The following RNF40 variants were observed in gnomAD, a reference collection of about 807,000 sequenced individuals.
RNF40 encodes ring finger protein 40, also known as E3 ubiquitin-protein ligase BRE1B.
In RNF40, 39 loss-of-function variants were observed where a neutral mutation model predicts 123.3. The observed-to-expected ratio is 0.32, with a 90% CI of 0.24 to 0.41. The LOEUF (loss-of-function observed/expected upper bound fraction) is 0.41, where lower values mean the gene tolerates loss of function less well. Ranked by LOEUF, RNF40 falls within the 10% of genes least tolerant of loss-of-function variation. RNF40 has a pLI of 1.00. For synonymous variants in RNF40, 538 were observed against 526.0 expected, an observed-to-expected ratio of 1.02 and a Z score of -0.31; for missense variants, 1,003 against 1,319.9, an observed-to-expected ratio of 0.76 and a Z score of 3.72.
At chr16:30,767,749 C>A in intron 11 of RNF40, 145 bp from the exon 12 acceptor site, 1 of 1,026,996 alleles carries the variant, frequency 9.7e-7, no homozygotes, top group Non-Finnish European at 1.4e-6. Flanking sequence ...GCATTATTTA[C>A]TTTGATGAGT....
Position 30,775,302 on chromosome 16 carries a change from C to T in RNF40, c.*1188C>T, listed in dbSNP as rs1051359829. ...CCTGGGAGGGCTCAGACTTAACGGC[C>T]GGCAGGGATCCCGGACTGGGCCTGA... On this transcript the variant is annotated 3_prime_UTR_variant, in exon 20 of 20. Transcript: ENST00000324685. 4 of 297,594 alleles carry T rather than the reference C, an allele frequency of 1.3e-5. No homozygotes were observed. Among genetic ancestry groups the T allele is most frequent in the Admixed American group, 4.9e-5 (1 of 20,582 alleles). The allele number at this position is 297,594 out of a possible 1,614,324, so 18.4% of individuals were successfully genotyped here.
chr16:30,776,163 C>T lies in RNF40; in HGVS notation c.*2049C>T, dbSNP rs568978959. On this transcript the variant is annotated 3_prime_UTR_variant, in exon 20 of 20. Transcript: ENST00000324685. Reference sequence around the variant, plus strand: ...AGCGCGGTCCCCTTCCAGGAGTAGCCTTCGCCTGGGCTCTTGAGTAGATGC... The same window carrying T: ...AGCGCGGTCCCCTTCCAGGAGTAGCTTTCGCCTGGGCTCTTGAGTAGATGC... 6 of 152,336 alleles carry T rather than the reference C, an allele frequency of 3.9e-5. No homozygotes were observed. The South Asian group carries it at 6.2e-4, about 16-fold the overall frequency. 9.4% of individuals were successfully genotyped at this position (152,336 alleles called of 1,614,324 possible). A position where few individuals can be genotyped will look rare whatever the true frequency, so the allele number is the denominator to read the frequency against.
chr16:30,773,582 G>GC (rs1256825550), intron 19 of RNF40: 2 of 204,080 alleles, frequency 9.8e-6, no homozygotes, highest in African/African-American at 2.3e-5. Context: ...CTTAGCAAGT[G>GC]CAGGTGAAGA....
chr16:30,767,842 G>A, intron 11 of RNF40, 52 bp from the exon 12 acceptor site: 3 of 1,613,522 alleles, frequency 1.9e-6, no homozygotes, highest in Non-Finnish European at 2.5e-6. Flanking sequence ...AGGGGTTGGA[G>A]TCCTAACCCA....
At position 30,774,178 on chromosome 16, in the gene RNF40, C is replaced by A. The variant is rs745938350; in HGVS notation, c.*64C>A. 3 of 1,507,138 alleles carry A rather than the reference C, an allele frequency of 2.0e-6. No individual in the cohort carries two copies. Among genetic ancestry groups the A allele is most frequent in the Non-Finnish European group, 2.7e-6 (3 of 1,116,492 alleles). 93.4% of individuals were successfully genotyped at this position (1,507,138 alleles called of 1,614,324 possible). Reference sequence around the variant, plus strand: ...GGGGGCTGTGCCCCCATCTCCTCCCCACCCCAGGTCTAGTGGCCCCACCCT... The same window carrying A: ...GGGGGCTGTGCCCCCATCTCCTCCCAACCCCAGGTCTAGTGGCCCCACCCT... On this transcript the variant is annotated 3_prime_UTR_variant, in exon 20 of 20. Coordinates refer to ENST00000324685, the MANE Select transcript of RNF40 (RefSeq NM_014771.4).
chr16:30,766,042 G>A lies in RNF40; in HGVS notation c.994-121G>A. ...CCCTTAGGAAAGTACTTGGTTTGGG[G>A]TGTCAGAATCGATCATTGCCCTGCA... On this transcript the variant is annotated intron_variant, in intron 8 of 19. Transcript: ENST00000324685. This position sits in a 1 kb window ranked among gnomAD's most constrained non-coding sequence, Gnocchi z 5.4. 2 of 1,382,100 alleles carry A rather than the reference G, an allele frequency of 1.4e-6. No homozygotes were observed. Among genetic ancestry groups the A allele is most frequent in the Non-Finnish European group, 2.0e-6 (2 of 990,252 alleles). 85.6% of individuals were successfully genotyped at this position (1,382,100 alleles called of 1,614,324 possible). A position where few individuals can be genotyped will look rare whatever the true frequency, so the allele number is the denominator to read the frequency against.
In RNF40 at chr16:30,768,041, G is replaced by A; in HGVS notation, c.1551+26G>A. 1 of 1,614,204 alleles carries A rather than the reference G, an allele frequency of 6.2e-7. No homozygotes were observed. Among genetic ancestry groups the A allele is most frequent in the East Asian group, 2.2e-5 (1 of 44,888 alleles). The stretch of plus-strand genomic sequence containing the variant: ...GTGAGAAGGGGCCTGCCTGGGAAAA[G>A]GTTTGGCTAGACTCCAGTGAACACC... On this transcript the variant is annotated intron_variant, in intron 12 of 19. Transcript: ENST00000324685. The surrounding 1 kb of genome is among the most constrained non-coding windows in gnomAD (Gnocchi z 4.1).
rs1205584580 is a variant in RNF40 at position 30,771,969 on chromosome 16, C to T, written c.2723C>T (p.Ala908Val). The change falls in exon 18 of 20, where the codon GCT becomes GTT. Residue 908 changes from alanine (A) to valine (V), a missense_variant. Around this residue, in one of 11 missense-constraint regions of RNF40, gnomAD observed 121 missense variants for 125.3 expected, o/e 0.97. Coordinates refer to ENST00000324685, the MANE Select transcript of RNF40 (RefSeq NM_014771.4). ...REKESFNLKR[A>V]QEDISRLRRK... Reference sequence around the variant, plus strand: ...AAAGAGAGCTTCAACCTCAAGAGGGCTCAGGTGTGTGCAGGGGTGAGGGGC... The same window carrying T: ...AAAGAGAGCTTCAACCTCAAGAGGGTTCAGGTGTGTGCAGGGGTGAGGGGC... 2 of 1,593,932 alleles carry T rather than the reference C, an allele frequency of 1.3e-6. No homozygotes were observed. Among genetic ancestry groups the T allele is most frequent in the Non-Finnish European group, 1.7e-6 (2 of 1,167,428 alleles).
At chr16:30,761,944 T>C, upstream of RNF40, 1 of 597,510 alleles carries the variant, frequency 1.7e-6, no homozygotes, top group South Asian at 2.2e-5. Flanking sequence ...CCAAGGGGGC[T>C]TGTGAGGGAA....
At chr16:30,765,799 G>C in intron 8 of RNF40, among the ~76,000 whole-genome samples, 1 of 152,218 alleles carries the variant, frequency 6.6e-6, no homozygotes, top group East Asian at 1.9e-4. Context: ...CAGTAAAATA[G>C]CATATCAGTG....
chr16:30,762,837 C>T (rs1019628324), intron 2 of RNF40, 160 bp downstream of exon 2: 24 of 952,808 alleles, frequency 2.5e-5, no homozygotes, highest in Admixed American at 5.5e-5. Context: ...AACACGACGC[C>T]TGTCTTCCCT....
chr16:30,774,498 G>A lies in RNF40; in HGVS notation c.*384G>A. The A allele has an allele frequency of 4.5e-6, 1 of 222,234 alleles. No homozygotes were observed. The highest frequency in any genetic ancestry group is 7.7e-5 in the South Asian group (1 of 13,048). 13.8% of individuals were successfully genotyped at this position (222,234 alleles called of 1,614,324 possible). ...CTACCCTAGAGAAGGCTCGCTCCCT[G>A]CCTACTGGCTCACAAATGAGGACCA... On this transcript the variant is annotated 3_prime_UTR_variant, in exon 20 of 20. Transcript: ENST00000324685.
Position 30,765,038 on chromosome 16 carries a change from A to G in RNF40, c.750A>G (p.Lys250=), listed in dbSNP as rs1468970819. The G allele has an allele frequency of 2.5e-6, 4 of 1,613,866 alleles. No individual in the cohort carries two copies. Among genetic ancestry groups the G allele is most frequent in the Non-Finnish European group, 3.4e-6 (4 of 1,179,984 alleles). Residue 250 remains lysine, a synonymous_variant, in exon 6 of 20, where the codon AAA becomes AAG. Transcript: ENST00000324685. ...ACTTGGCCACTCAGCTGCAGGAGAA[A>G]CACCACCGCATCTCATTGGAGGTGA... ...LQDLATQLQE[K]HHRISLEYSE... is the part of the protein sequence containing the mutation.
Position 30,774,234 on chromosome 16 carries a change from C to A in RNF40, c.*120C>A. 9.1e-7 allele frequency: 1 copy of A among 1,094,896 alleles called. No homozygotes were observed. The highest frequency in any genetic ancestry group is 1.3e-6 in the Non-Finnish European group (1 of 777,776). The allele number at this position is 1,094,896 out of a possible 1,614,324, so 67.8% of individuals were successfully genotyped here. The stretch of plus-strand genomic sequence containing the variant: ...CCGGACCCCATGGGCCCAGCCCCTG[C>A]CCATCTAGTTGGTTTGGGGACCCTG... On this transcript the variant is annotated 3_prime_UTR_variant, in exon 20 of 20. Transcript: ENST00000324685.
rs1432503250 is a variant in RNF40, at chr16:30,765,436, C to T, written c.930C>T (p.Gly310=). ...TTTTCTCTCCACAGCTTAACTCTGGCTACTATGTATCTGGGAGCTCCTCAG... is the reference window on the plus strand; with the variant it reads ...TTTTCTCTCCACAGCTTAACTCTGGTTACTATGTATCTGGGAGCTCCTCAG... ...LAEALEQLNS[G]YYVSGSSSGF... The change falls in exon 8 of 20, where the codon GGC becomes GGT. Residue 310 remains glycine, a synonymous_variant. Coordinates refer to ENST00000324685, the MANE Select transcript of RNF40 (RefSeq NM_014771.4). 3 of 1,614,188 alleles carry T rather than the reference C, an allele frequency of 1.9e-6. No individual in the cohort carries two copies. Among genetic ancestry groups the T allele is most frequent in the Non-Finnish European group, 8.5e-7 (1 of 1,180,038 alleles).
In RNF40 at chr16:30,766,368, C is replaced by T. The variant is rs2054031647; in HGVS notation, c.1114-11C>T. 8 of 1,612,354 alleles carry T rather than the reference C, an allele frequency of 5.0e-6. No individual in the cohort carries two copies. Among genetic ancestry groups the T allele is most frequent in the Non-Finnish European group, 6.8e-6 (8 of 1,178,704 alleles). On this transcript the variant is annotated splice_polypyrimidine_tract_variant and intron_variant, in intron 9 of 19. Transcript: ENST00000324685. The surrounding 1 kb of genome is among the most constrained non-coding windows in gnomAD (Gnocchi z 5.4). ...CCTGTTGCTGATCCCATTTGGGCAT[C>T]CCTGCCCCAGGTGGCCCTGCGGAGC...
Position 30,774,004 on chromosome 16 carries a change from G to A in RNF40, c.2896G>A (p.Val966Ile), listed in dbSNP as rs751717345. 1.9e-6 allele frequency: 3 copies of A among 1,614,104 alleles called. No homozygotes were observed. The highest frequency in any genetic ancestry group is 1.7e-6 in the Non-Finnish European group (2 of 1,179,932). The change falls in exon 20 of 20, where the codon GTT (valine) becomes ATT (isoleucine). Residue 966 changes from valine to isoleucine, a missense_variant. Val to Ile is a conservative substitution (Grantham distance 29). Transcript: ENST00000324685. ...KDAVLTKCFH[V>I]FCFECVRGRY... ...TGCAGTCCTTACCAAGTGCTTCCACGTTTTCTGCTTCGAGTGCGTGCGGGG... is the reference window on the plus strand; with the variant it reads ...TGCAGTCCTTACCAAGTGCTTCCACATTTTCTGCTTCGAGTGCGTGCGGGG...
chr16:30,769,195 G>T lies in RNF40; in HGVS notation c.2257G>T (p.Ala753Ser). ...KLGATKQEEEALLSEMDVTGQ... is the reference protein window; with the variant it reads ...KLGATKQEEESLLSEMDVTGQ... ...TGCCCACTTGCTGCAGGAGGAGGAG[G>T]CTCTGCTCTCAGAGATGGATGTGAC... Residue 753 changes from alanine to serine, a missense_variant, in exon 16 of 20, where the codon GCT becomes TCT. Ala to Ser is a moderately conservative substitution (Grantham distance 99). Coordinates refer to ENST00000324685, the MANE Select transcript of RNF40 (RefSeq NM_014771.4). 1 of 1,614,180 alleles carries T rather than the reference G, an allele frequency of 6.2e-7. No individual in the cohort carries two copies. The highest frequency in any genetic ancestry group is 8.5e-7 in the Non-Finnish European group (1 of 1,180,012).
upstream of RNF40, chr16:30,762,277 TG>T (rs141812412): frequency 0.012 from 4,803 of 396,962 alleles, 8 homozygotes; most frequent in East Asian, 0.022. Context: ...TGCGCACCGT[TG>T]GGGGGGGGGC....
Sources: gnomAD v4.1 joint callset for allele counts (sites outside exome capture counted in the v4.1 genomes callset) on GRCh38, gnomAD v4.1.1 for gene constraint, gnomAD v4.1.1 regional missense constraint, Gnocchi (gnomAD v3.1) non-coding constraint, MANE v1.5 for transcripts, NCBI Gene and HGNC (gene_info 2026-07-23, HGNC 2026-07-21) for gene names.